The following RAB11FIP3 variants were observed in gnomAD, a reference collection of about 807,000 sequenced individuals.
RAB11FIP3 encodes RAB11 family interacting protein 3, also known as rab11 family-interacting protein 3.
Under a neutral mutation model 77.8 loss-of-function variants are expected in RAB11FIP3, and 17 were observed. The observed-to-expected ratio is 0.22, with a 90% CI of 0.15 to 0.33. RAB11FIP3 has a LOEUF of 0.33. Among genes scored for constraint, RAB11FIP3 ranks in the 10% least tolerant of loss-of-function variants. The pLI is 1.00. For synonymous variants in RAB11FIP3, 437 were observed against 448.2 expected (o/e 0.98, Z 0.31); for missense variants, 1,005 against 1,011.2 (o/e 0.99, Z 0.08).
At chr16:432,353 G>A (rs2055050846) in intron 1 of RAB11FIP3, among the ~76,000 whole-genome samples, 1 of 152,054 alleles carries the variant, frequency 6.6e-6, no homozygotes, top group African/African-American at 2.4e-5. Context: ...CTCCAGCCTG[G>A]ACGACAAGGG....
chr16:434,311 C>A (rs1484179730), intron 1 of RAB11FIP3, among the ~76,000 whole-genome samples: 1 of 152,074 alleles, frequency 6.6e-6, no homozygotes, highest in Non-Finnish European at 1.5e-5. Flanking sequence ...TTAGTAGAGG[C>A]GGGGTTTCGC....
intron 2 of RAB11FIP3, among the ~76,000 whole-genome samples, chr16:462,144 C>A (rs1376742199): frequency 6.6e-6 from 1 of 152,234 alleles, no homozygotes; most frequent in Non-Finnish European, 1.5e-5. Context: ...GTGCCGCATA[C>A]CCCTCGCCCT....
intron 1 of RAB11FIP3, among the ~76,000 whole-genome samples, chr16:448,144 C>T (rs1040697667): frequency 1.5e-5 from 2 of 136,248 alleles, no homozygotes; most frequent in Non-Finnish European, 3.1e-5. Context: ...ATGGTGAAAC[C>T]AATCTCTACT....
Position 487,192 on chromosome 16 carries a change from G to A in RAB11FIP3, c.1116-1659G>A, listed in dbSNP as rs1482123482. 4.0e-5 allele frequency among the ~76,000 whole-genome samples: 6 copies of A among 150,298 alleles called. No homozygotes were observed. In the East Asian group the frequency reaches 7.8e-4, roughly 20 times the overall value. ...GTCGCCCAGGCTGGAGTGCAGTGGC[G>A]CGATCTCGGCTCACTGCCATCTCCG... On this transcript the variant is annotated intron_variant, in intron 4 of 13. Coordinates refer to ENST00000262305, the MANE Select transcript of RAB11FIP3 (RefSeq NM_014700.4).
In RAB11FIP3 at chr16:426,916, C is replaced by A. The variant is rs2054956723; in HGVS notation, c.714+196C>A. 6.6e-6 allele frequency among the ~76,000 whole-genome samples: 1 copy of A among 152,174 alleles called. No homozygotes were observed. Among genetic ancestry groups the A allele is most frequent in the African/African-American group, 2.4e-5 (1 of 41,446 alleles). ...ATTGCGCTGGAGTCCCTCTTCCCTT[C>A]TTAAAAGGAGGTTCTATTCTGGGGA... On this transcript the variant is annotated intron_variant, in intron 1 of 13. Coordinates refer to ENST00000262305, the MANE Select transcript of RAB11FIP3 (RefSeq NM_014700.4). This position sits in a 1 kb window ranked among gnomAD's most constrained non-coding sequence, Gnocchi z 5.0.
At chr16:492,862 TG>T (rs2030711852) in intron 5 of RAB11FIP3, among the ~76,000 whole-genome samples, 1 of 152,150 alleles carries the variant, frequency 6.6e-6, no homozygotes. Context: ...CTGGGCTTTG[TG>T]GGGGCAGAGA....
chr16:440,837 G>T (rs1449265880), intron 1 of RAB11FIP3, among the ~76,000 whole-genome samples: 1 of 152,236 alleles, frequency 6.6e-6, no homozygotes, highest in Non-Finnish European at 1.5e-5. Flanking sequence ...AAGTGAAGAG[G>T]TGAGAACAGG....
intron 3 of RAB11FIP3, among the ~76,000 whole-genome samples, chr16:479,675 C>T (rs2055993889): frequency 6.6e-6 from 1 of 152,204 alleles, no homozygotes; most frequent in Admixed American, 6.5e-5. Context: ...ATAGTTCTAG[C>T]ACTTTGAGAG....
chr16:443,551 G>C (rs2055260141), intron 1 of RAB11FIP3, among the ~76,000 whole-genome samples: 1 of 152,126 alleles, frequency 6.6e-6, no homozygotes, highest in African/African-American at 2.4e-5. Flanking sequence ...TGCTTCTGCA[G>C]CATGATCTTT....
chr16:465,927 A>G (rs1336532765), intron 2 of RAB11FIP3, among the ~76,000 whole-genome samples: 1 of 152,132 alleles, frequency 6.6e-6, no homozygotes, highest in African/African-American at 2.4e-5. Flanking sequence ...TTTTCTAGTG[A>G]CAGGCACGTG....
intron 1 of RAB11FIP3, among the ~76,000 whole-genome samples, chr16:428,754 C>T (rs1234780682): frequency 1.3e-5 from 2 of 152,128 alleles, no homozygotes; most frequent in Non-Finnish European, 2.9e-5. Context: ...GACTTTCATA[C>T]AATTCTTTTT....
chr16:518,851 G>A, intron 9 of RAB11FIP3, 92 bp from the exon 10 acceptor site: 1 of 1,349,744 alleles, frequency 7.4e-7, no homozygotes, highest in Non-Finnish European at 1.1e-6. Context: ...TCACAGGGCG[G>A]CCCCAGCAGG....
intron 1 of RAB11FIP3, among the ~76,000 whole-genome samples, chr16:438,687 T>C (rs1352987358): frequency 7.9e-6 from 1 of 125,824 alleles, no homozygotes; most frequent in Admixed American, 8.3e-5. Context: ...TCTGGCCTTT[T>C]AAATTTTTTT....
rs3785304 is a variant in RAB11FIP3 at position 499,144 on chromosome 16, G to A, written c.1301+2285G>A. Among the ~76,000 whole-genome samples, 48 of 152,168 alleles carry A rather than the reference G, an allele frequency of 3.2e-4. No homozygotes were observed. In the East Asian group the frequency reaches 8.9e-3, roughly 28 times the overall value. On this transcript the variant is annotated intron_variant, in intron 6 of 13. Coordinates refer to ENST00000262305, the MANE Select transcript of RAB11FIP3 (RefSeq NM_014700.4). Reference sequence around the variant, plus strand: ...GGAGAATCACCTGAACCCTGGAGGCGGAGCTTGGAGTGAGCCGAGATTGTG... The same window carrying A: ...GGAGAATCACCTGAACCCTGGAGGCAGAGCTTGGAGTGAGCCGAGATTGTG...
At position 520,445 on chromosome 16, in the gene RAB11FIP3, T is replaced by C. The variant is rs773788405; in HGVS notation, c.2017-14T>C. 6.2e-7 allele frequency: 1 copy of C among 1,612,952 alleles called. No homozygotes were observed. Among genetic ancestry groups the C allele is most frequent in the Non-Finnish European group, 8.5e-7 (1 of 1,179,890 alleles). On this transcript the variant is annotated splice_polypyrimidine_tract_variant and intron_variant, in intron 12 of 13. Coordinates refer to ENST00000262305, the MANE Select transcript of RAB11FIP3 (RefSeq NM_014700.4). Reference sequence around the variant, plus strand: ...AGGGGCCACAGCCCAGTAGTGATGTTGCTGTGCCTTCAGGACAACCGCAAC... The same window carrying C: ...AGGGGCCACAGCCCAGTAGTGATGTCGCTGTGCCTTCAGGACAACCGCAAC...
At chr16:490,423 G>A (rs1302328738) in intron 5 of RAB11FIP3, among the ~76,000 whole-genome samples, 1 of 152,182 alleles carries the variant, frequency 6.6e-6, no homozygotes, top group Non-Finnish European at 1.5e-5. Flanking sequence ...CTGGAGTGGT[G>A]CAATCATGGC....
intron 6 of RAB11FIP3, among the ~76,000 whole-genome samples, chr16:500,518 T>TA (rs1473086359): frequency 5.3e-5 from 8 of 150,614 alleles, no homozygotes; most frequent in East Asian, 1.9e-4. Flanking sequence ...CCATCTCTAC[T>TA]AAAAAAAACA....
At chr16:477,480 G>T (rs927852020) in intron 3 of RAB11FIP3, among the ~76,000 whole-genome samples, 6 of 152,148 alleles carry the variant, frequency 3.9e-5, no homozygotes, top group Admixed American at 6.5e-5. Context: ...TTCGCATCCT[G>T]CCCCGTCATG....
At chr16:442,485 G>C (rs1184319491) in intron 1 of RAB11FIP3, among the ~76,000 whole-genome samples, 1 of 152,208 alleles carries the variant, frequency 6.6e-6, no homozygotes, top group Non-Finnish European at 1.5e-5. Flanking sequence ...AACCAGGAGT[G>C]TGCTGGTCTC....
Sources: gnomAD v4.1 joint callset for allele counts (sites outside exome capture counted in the v4.1 genomes callset) on GRCh38, gnomAD v4.1.1 for gene constraint, Gnocchi (gnomAD v3.1) non-coding constraint, MANE v1.5 for transcripts, NCBI Gene and HGNC (gene_info 2026-07-23, HGNC 2026-07-21) for gene names.